Variants in NMNAT2 observed in about 807,000 individuals in gnomAD.
NMNAT2 encodes the protein nicotinamide/nicotinic acid mononucleotide adenylyltransferase 2.
Under a neutral mutation model 41.6 loss-of-function variants are expected in NMNAT2, and 11 were observed. The observed-to-expected ratio is 0.26, with a 90% confidence interval of 0.17 to 0.44. The LOEUF is 0.44. Ranked by LOEUF, NMNAT2 falls within the 20% of genes least tolerant of loss-of-function variation. NMNAT2 has a pLI of 1.00. For missense variants in NMNAT2, 288 were observed against 407.7 expected, an observed-to-expected ratio of 0.71 and a Z score of 2.53; for synonymous variants, 148 against 151.2, an observed-to-expected ratio of 0.98 and a Z score of 0.16.
chr1:183,353,167 C>T lies in NMNAT2; in HGVS notation c.86-59374G>A, dbSNP rs138149210. ...GATTACAGGTGCCTGCCATCGTGCC[C>T]GGCTAGTTTTTTGTATTTTTAGTAG... On this transcript the variant is annotated intron_variant, in intron 1 of 10. Transcript: ENST00000287713. Among the ~76,000 whole-genome samples the T allele has an allele frequency of 8.0e-4, 122 of 152,114 alleles. 1 individual carries two copies. Among genetic ancestry groups the T allele is most frequent in the Middle Eastern group, 6.8e-3 (2 of 294 alleles).
At chr1:183,264,273 G>A (rs368256675) in intron 8 of NMNAT2, among the ~76,000 whole-genome samples, 1 of 151,978 alleles carries the variant, frequency 6.6e-6, no homozygotes. Flanking sequence ...TGGGGGAATC[G>A]CCCTGTGGGT....
chr1:183,382,796 GC>G (rs1399788421), intron 1 of NMNAT2, among the ~76,000 whole-genome samples: 3 of 152,156 alleles, frequency 2.0e-5, no homozygotes, highest in Non-Finnish European at 4.4e-5. Flanking sequence ...GGGCATCTCT[GC>G]CCCTTTAGCT....
chr1:183,342,125 C>A lies in NMNAT2; in HGVS notation c.86-48332G>T, dbSNP rs114873994. Among the ~76,000 whole-genome samples the A allele has an allele frequency of 9.6e-3, 1,459 of 151,550 alleles. 24 individuals are homozygous for A. The highest frequency in any genetic ancestry group is 0.034 in the African/African-American group (1,396 of 41,232). On this transcript the variant is annotated intron_variant, in intron 1 of 10. Transcript: ENST00000287713. ...CAAAGCAGTGTCTCTGAGTGAGAAA[C>A]CTTCCACACTGCAAAAAAGTCTCCA...
intron 1 of NMNAT2, among the ~76,000 whole-genome samples, chr1:183,310,651 T>G (rs1425075435): frequency 6.6e-6 from 1 of 152,216 alleles, no homozygotes; most frequent in African/African-American, 2.4e-5. Context: ...TGTCATTTAG[T>G]TGGCAGAAGC....
rs187513451 is a variant in NMNAT2, at chr1:183,304,030, C to T, written c.86-10237G>A. On this transcript the variant is annotated intron_variant, in intron 1 of 10. Transcript: ENST00000287713. ...AATGCCCTCTCTCTGCCCTCATACC[C>T]TTTATTCCAATGCACTATGGAGTCA... Among the ~76,000 whole-genome samples the T allele has an allele frequency of 2.9e-3, 441 of 152,362 alleles. 3 individuals are homozygous for T. The highest frequency in any genetic ancestry group is 9.9e-3 in the African/African-American group (412 of 41,582).
At position 183,319,658 on chromosome 1, in the gene NMNAT2, C is replaced by T. The variant is rs546280094; in HGVS notation, c.86-25865G>A. ...TCCTTCTTCTCCTCTGCCTCTCTCT[C>T]TCTCTTCCCCTCTCTCTTTCTCTCT... On this transcript the variant is annotated intron_variant, in intron 1 of 10. Transcript: ENST00000287713. 6.6e-5 allele frequency among the ~76,000 whole-genome samples: 10 copies of T among 152,314 alleles called. No homozygotes were observed. In the East Asian group the frequency reaches 9.6e-4, roughly 15 times the overall value.
At chr1:183,333,621 T>C (rs1343515088) in intron 1 of NMNAT2, among the ~76,000 whole-genome samples, 1 of 151,170 alleles carries the variant, frequency 6.6e-6, no homozygotes, top group African/African-American at 2.5e-5. Flanking sequence ...GCAGCCCACC[T>C]AATTTGTTTT....
intron 8 of NMNAT2, among the ~76,000 whole-genome samples, chr1:183,267,805 C>T (rs1477908737): frequency 2.6e-5 from 4 of 151,988 alleles, no homozygotes; most frequent in Non-Finnish European, 4.4e-5. Flanking sequence ...GTGGGGTGGG[C>T]GAGTGGCCAA....
At chr1:183,396,460 C>T (rs568754112) in intron 1 of NMNAT2, among the ~76,000 whole-genome samples, 1 of 152,208 alleles carries the variant, frequency 6.6e-6, no homozygotes, top group East Asian at 1.9e-4. Context: ...CAAGCATGTG[C>T]ACTAAGAGGC....
chr1:183,284,249 C>T (rs1287225946), intron 6 of NMNAT2, among the ~76,000 whole-genome samples: 2 of 152,200 alleles, frequency 1.3e-5, no homozygotes, highest in Non-Finnish European at 2.9e-5. Context: ...AGCAGCACTT[C>T]ACATTGCTGG....
At chr1:183,263,178 G>T (rs775078089) in intron 8 of NMNAT2, among the ~76,000 whole-genome samples, 55 of 152,294 alleles carry the variant, frequency 3.6e-4, no homozygotes, top group Middle Eastern at 3.4e-3. Context: ...TTGGCTGAAG[G>T]TGTCTTAGGA....
intron 1 of NMNAT2, among the ~76,000 whole-genome samples, chr1:183,299,453 T>G (rs570884609): frequency 6.6e-6 from 1 of 152,206 alleles, no homozygotes; most frequent in African/African-American, 2.4e-5. Context: ...AGTTCATTAT[T>G]CTGAGTGAAG....
At chr1:183,304,619 C>T in intron 1 of NMNAT2, 1 of 1,544,990 alleles carries the variant, frequency 6.5e-7, no homozygotes, top group Non-Finnish European at 8.9e-7. Context: ...TCTGCACCTC[C>T]CTCCAGCTGC....
At chr1:183,327,026 TTATG>T (rs368278255) in intron 1 of NMNAT2, among the ~76,000 whole-genome samples, 117 of 143,278 alleles carry the variant, frequency 8.2e-4, no homozygotes, top group African/African-American at 2.3e-3. Flanking sequence ...TAATTATATT[TTATG>T]TATGTATGTA....
chr1:183,299,283 G>A (rs1367126120), intron 1 of NMNAT2, among the ~76,000 whole-genome samples: 1 of 152,084 alleles, frequency 6.6e-6, no homozygotes, highest in Non-Finnish European at 1.5e-5. Flanking sequence ...GGCTGAGGTG[G>A]GAGGATTGCT....
At chr1:183,295,093 T>A (rs140637405) in intron 1 of NMNAT2, among the ~76,000 whole-genome samples, 2,648 of 152,280 alleles carry the variant, frequency 0.017, 70 homozygotes, top group African/African-American at 0.059. Context: ...CACCTCTACC[T>A]CCTGGGTTCA....
chr1:183,313,440 A>G (rs10911301), intron 1 of NMNAT2, among the ~76,000 whole-genome samples: 61,205 of 152,146 alleles, frequency 0.4, 13,530 homozygotes, highest in East Asian at 0.69. Context: ...TAAACATAAT[A>G]TTCTTGGCAC....
intron 1 of NMNAT2, among the ~76,000 whole-genome samples, chr1:183,297,834 C>CTA (rs1661744300): frequency 6.6e-6 from 1 of 152,038 alleles, no homozygotes; most frequent in African/African-American, 2.4e-5. Context: ...TAGAATCCAG[C>CTA]TATATATAGA....
intron 1 of NMNAT2, among the ~76,000 whole-genome samples, chr1:183,376,046 A>T (rs1419620326): frequency 6.6e-6 from 1 of 152,108 alleles, no homozygotes; most frequent in Non-Finnish European, 1.5e-5. Context: ...TTAAATTCCC[A>T]TCCTTCCAGG....
Sources: allele counts gnomAD v4.1 joint callset (sites outside exome capture counted in the v4.1 genomes callset), GRCh38; gene constraint gnomAD v4.1.1; transcripts MANE v1.5; gene names NCBI Gene and HGNC (gene_info 2026-07-23, HGNC 2026-07-21).